Variants in CREB3L2 observed in about 807,000 individuals in gnomAD.
The protein encoded by CREB3L2 is cyclic AMP-responsive element-binding protein 3-like protein 2.
In CREB3L2, 23 loss-of-function variants were observed where a neutral mutation model predicts 57.2. The observed-to-expected ratio is 0.40, with a 90% CI of 0.29 to 0.57. The LOEUF (loss-of-function observed/expected upper bound fraction) is 0.57, where lower values mean the gene tolerates loss of function less well. Among genes scored for constraint, CREB3L2 ranks in the 20% least tolerant of loss-of-function variants. CREB3L2 has a pLI of 0.42. For synonymous variants in CREB3L2, 268 were observed against 265.1 expected (o/e 1.01, Z -0.11); for missense variants, 628 against 634.7 (o/e 0.99, Z 0.11).
intron 1 of CREB3L2, among the ~76,000 whole-genome samples, chr7:137,935,414 T>C (rs948166299): frequency 6.6e-6 from 1 of 152,234 alleles, no homozygotes; most frequent in South Asian, 2.1e-4. Flanking sequence ...ACAAATGTAC[T>C]TCTTTTAGAA....
intron 8 of CREB3L2, among the ~76,000 whole-genome samples, chr7:137,899,041 A>AAAAAAGAAAG (rs1554494812): frequency 1.6e-4 from 13 of 81,924 alleles, no homozygotes; most frequent in Admixed American, 9.7e-4. Flanking sequence ...AGAAAGGAAG[A>AAAAAAGAAAG]AAAAAGAAAG....
chr7:137,972,730 TATATATAGAGAGAGAG>T lies in CREB3L2; in HGVS notation c.102+28858_102+28873del, dbSNP rs1244074384. ...AAAAAAAAATATATATATATATATA[TATATATAGAGAGAGAG>T]AGAGAGAGAGAGAGAGAGAGAGAGA... On this transcript the variant is annotated intron_variant, in intron 1 of 11. Coordinates refer to ENST00000330387, the MANE Select transcript of CREB3L2 (RefSeq NM_194071.4). 6.6e-3 allele frequency among the ~76,000 whole-genome samples: 181 copies of T among 27,320 alleles called. 7 individuals carry two copies. Among genetic ancestry groups the T allele is most frequent in the East Asian group, 0.042 (55 of 1,322 alleles). 17.9% of individuals were successfully genotyped at this position (27,320 alleles called of 152,430 possible).
At chr7:137,943,922 G>A (rs966693073) in intron 1 of CREB3L2, among the ~76,000 whole-genome samples, 5 of 152,132 alleles carry the variant, frequency 3.3e-5, no homozygotes, top group Admixed American at 6.5e-5. Context: ...GATCCATAAC[G>A]TTGATTTAGG....
At chr7:137,922,459 CATATATATAT>C (rs1271535669) in intron 2 of CREB3L2, 2 of 106,314 alleles carry the variant, frequency 1.9e-5, no homozygotes, top group Admixed American at 9.9e-5. Context: ...TATATACACA[CATATATATAT>C]ACACACATAT....
In CREB3L2 at chr7:137,915,917, C is replaced by T. The variant is rs201136941; in HGVS notation, c.415G>A (p.Val139Ile). 2.2e-4 allele frequency: 358 copies of T among 1,614,122 alleles called. No individual in the cohort carries two copies. Among genetic ancestry groups the T allele is most frequent in the Non-Finnish European group, 2.7e-4 (317 of 1,179,998 alleles). ...GTGATGGTCAGAGTGACAGACGGAA[C>T]GAGTCCTGGGGGTGGTTCGTCTGTA... Reference protein sequence around the residue: ...PVTDEPPPGLVPSVTLTITAI... With the variant: ...PVTDEPPPGLIPSVTLTITAI... Residue 139 changes from valine to isoleucine, a missense_variant, in exon 3 of 12, where the codon GTT becomes ATT. Val to Ile is a conservative substitution (Grantham distance 29, BLOSUM62 3). Coordinates refer to ENST00000330387, the MANE Select transcript of CREB3L2 (RefSeq NM_194071.4).
chr7:137,890,595 T>C (rs1000282555), intron 8 of CREB3L2, among the ~76,000 whole-genome samples: 7 of 152,192 alleles, frequency 4.6e-5, no homozygotes, highest in Admixed American at 1.3e-4. Flanking sequence ...AATGAGAAAA[T>C]GCCCCCTCCC....
At chr7:137,960,710 A>G (rs1202677192) in intron 1 of CREB3L2, among the ~76,000 whole-genome samples, 1 of 152,158 alleles carries the variant, frequency 6.6e-6, no homozygotes, top group Non-Finnish European at 1.5e-5. Flanking sequence ...GTTTTGCCAT[A>G]GTACAACTAC....
Position 137,984,100 on chromosome 7 carries a change from G to C in CREB3L2, c.102+17504C>G, listed in dbSNP as rs28469845. Among the ~76,000 whole-genome samples the C allele has an allele frequency of 4.6e-3, 705 of 152,314 alleles. 5 individuals are homozygous for C. The highest frequency in any genetic ancestry group is 0.016 in the African/African-American group (671 of 41,578). Reference sequence around the variant, plus strand: ...AATAAAGTAGCTCCCTTATCTGTGAGATGCAGGCGTCATTCTCAGCCATCT... The same window carrying C: ...AATAAAGTAGCTCCCTTATCTGTGACATGCAGGCGTCATTCTCAGCCATCT... On this transcript the variant is annotated intron_variant, in intron 1 of 11. Coordinates refer to ENST00000330387, the MANE Select transcript of CREB3L2 (RefSeq NM_194071.4).
chr7:137,986,024 G>A (rs1217682046), intron 1 of CREB3L2, among the ~76,000 whole-genome samples: 1 of 152,058 alleles, frequency 6.6e-6, no homozygotes, highest in Non-Finnish European at 1.5e-5. Context: ...TAGAAGAAAG[G>A]AACCGAATAT....
intron 1 of CREB3L2, among the ~76,000 whole-genome samples, chr7:137,960,939 G>A (rs274006): frequency 0.46 from 68,741 of 149,526 alleles, 17,680 homozygotes; most frequent in East Asian, 0.74. Flanking sequence ...TCAGCCTCCC[G>A]AGTAGCTGAG....
chr7:137,886,937 A>G (rs1355514675), intron 8 of CREB3L2, among the ~76,000 whole-genome samples: 3 of 152,146 alleles, frequency 2.0e-5, no homozygotes, highest in Non-Finnish European at 2.9e-5. Context: ...GCACCCGGGA[A>G]GAGTTCCCTG....
rs1466664953 is a variant in CREB3L2, at chr7:137,911,336, G to A, written c.583+1655C>T. Among the ~76,000 whole-genome samples, 3 of 152,102 alleles carry A rather than the reference G, an allele frequency of 2.0e-5. No homozygotes were observed. The East Asian group carries it at 5.8e-4, about 29-fold the overall frequency. On this transcript the variant is annotated intron_variant, in intron 4 of 11. Transcript: ENST00000330387. ...TTATTGATAATAAAGGCAAATAAAG[G>A]GCCAGCCCTGATTACATTGTTACAA...
At chr7:137,904,612 T>C (rs1276768157) in intron 6 of CREB3L2, among the ~76,000 whole-genome samples, 1 of 151,726 alleles carries the variant, frequency 6.6e-6, no homozygotes, top group African/African-American at 2.4e-5. Flanking sequence ...TGCAGTGAGC[T>C]GACATTGTGC....
chr7:137,899,354 C>A (rs1443802208), intron 8 of CREB3L2, among the ~76,000 whole-genome samples: 1 of 152,220 alleles, frequency 6.6e-6, no homozygotes, highest in Non-Finnish European at 1.5e-5. Flanking sequence ...TGAACACAAA[C>A]TCCAAGGAGG....
chr7:137,909,792 C>T (rs1799969072), intron 4 of CREB3L2, among the ~76,000 whole-genome samples: 1 of 152,194 alleles, frequency 6.6e-6, no homozygotes, highest in African/African-American at 2.4e-5. Context: ...ACCCAAATCT[C>T]ATCTTGAATT....
rs190071179 is a variant in CREB3L2 at position 137,909,034 on chromosome 7, G to A, written c.584-598C>T. 1.2e-3 allele frequency among the ~76,000 whole-genome samples: 183 copies of A among 152,176 alleles called. 1 individual carries two copies. Among genetic ancestry groups the A allele is most frequent in the African/African-American group, 4.2e-3 (174 of 41,524 alleles). On this transcript the variant is annotated intron_variant, in intron 4 of 11. Transcript: ENST00000330387. ...AGAATTGCTTGAACCCAGGAGTTAG[G>A]GGTTGCAGTGAGCCAAGATCACACC...
Position 137,878,205 on chromosome 7 carries a change from C to T in CREB3L2, c.*2271G>A. 4.3e-6 allele frequency: 1 copy of T among 232,082 alleles called. No homozygotes were observed. 14.4% of individuals were successfully genotyped at this position (232,082 alleles called of 1,614,324 possible). A position where few individuals can be genotyped will look rare whatever the true frequency, so the allele number is the denominator to read the frequency against. ...ACTAAGGACAGGGGCTAGAAGTTTC[C>T]TTTATCTTCTCCCTCCTCATTTAGA... On this transcript the variant is annotated 3_prime_UTR_variant, in exon 12 of 12. Transcript: ENST00000330387.
chr7:137,940,414 G>C (rs187752194), intron 1 of CREB3L2, among the ~76,000 whole-genome samples: 126 of 152,262 alleles, frequency 8.3e-4, no homozygotes, highest in African/African-American at 2.9e-3. Flanking sequence ...ATTACAGCAG[G>C]CTCCAAATCA....
chr7:137,905,606 A>C, intron 6 of CREB3L2, 96 bp downstream of exon 6: 1 of 1,325,188 alleles, frequency 7.5e-7, no homozygotes, highest in Non-Finnish European at 1.1e-6. Context: ...CCACCATGGG[A>C]TGGGGTAGTG....
Sources: allele counts gnomAD v4.1 joint callset (sites outside exome capture counted in the v4.1 genomes callset), GRCh38; gene constraint gnomAD v4.1.1; transcripts MANE v1.5; gene names NCBI Gene and HGNC (gene_info 2026-07-23, HGNC 2026-07-21).